The following FBXO34 variants were observed in gnomAD, a reference collection of about 807,000 sequenced individuals.
FBXO34 encodes F-box only protein 34.
Under a neutral mutation model 24.5 loss-of-function variants are expected in FBXO34, and 12 were observed. The ratio of observed to expected loss-of-function variants is 0.49; its 90% CI spans 0.31 to 0.79. The LOEUF is 0.79. Among genes scored for constraint, FBXO34 ranks in the 30% least tolerant of loss-of-function variants. FBXO34 has a pLI of 0.04. For synonymous variants in FBXO34, 320 were observed against 311.9 expected, an observed-to-expected ratio of 1.03 and a Z score of -0.27; for missense variants, 823 against 857.7, an observed-to-expected ratio of 0.96 and a Z score of 0.51.
chr14:55,354,084 G>A (rs973887249), downstream of FBXO34, among the ~76,000 whole-genome samples: 2 of 151,858 alleles, frequency 1.3e-5, no homozygotes, highest in Non-Finnish European at 2.9e-5. Flanking sequence ...TAGGGGAGGC[G>A]CTGTGCTGGG....
the FBXO34 span, among the ~76,000 whole-genome samples, chr14:55,384,259 G>A: frequency 1.3e-5 from 2 of 152,208 alleles, no homozygotes; most frequent in African/African-American, 2.4e-5. Context: ...CCTCGTGTGT[G>A]TATTTTCTTT....
At chr14:55,433,520 A>G in the FBXO34 span, 1 of 1,019,940 alleles carries the variant, frequency 9.8e-7, no homozygotes, top group Admixed American at 2.1e-5. Flanking sequence ...GTCTTCAGCA[A>G]AGAAAGGCAT....
At chr14:55,341,888 A>G (rs1884005734) in intron 1 of FBXO34, among the ~76,000 whole-genome samples, 1 of 152,190 alleles carries the variant, frequency 6.6e-6, no homozygotes, top group Non-Finnish European at 1.5e-5. Flanking sequence ...CTGAAGTGTT[A>G]TTTAATAATT....
the FBXO34 span, chr14:55,395,322 C>G: frequency 3.8e-6 from 1 of 261,354 alleles, no homozygotes; most frequent in Non-Finnish European, 7.8e-6. Context: ...GCTGCTGCCA[C>G]GCCTCTCCCA....
chr14:55,385,157 A>T, the FBXO34 span, among the ~76,000 whole-genome samples: 1 of 152,220 alleles, frequency 6.6e-6, no homozygotes, highest in Non-Finnish European at 1.5e-5. Flanking sequence ...ATTTGTCATG[A>T]TTTCTCTGTG....
chr14:55,356,625 T>A (rs567228548), downstream of FBXO34, among the ~76,000 whole-genome samples: 37 of 149,370 alleles, frequency 2.5e-4, no homozygotes, highest in East Asian at 2.9e-3. Context: ...CTGATTTTTT[T>A]ATTTTTTTAT....
chr14:55,349,607 CTTTTTTTTT>C (rs57284715), intron 1 of FBXO34, among the ~76,000 whole-genome samples: 1 of 116,636 alleles, frequency 8.6e-6, no homozygotes, highest in South Asian at 2.7e-4. Flanking sequence ...CAATAATTTT[CTTTTTTTTT>C]TTTTTTTTTG....
chr14:55,353,794 T>G (rs941787998), downstream of FBXO34, among the ~76,000 whole-genome samples: 106 of 152,354 alleles, frequency 7.0e-4, no homozygotes, highest in Non-Finnish European at 1.8e-4. Context: ...CTGTCAGTTC[T>G]TCCGTTTGTT....
chr14:55,332,939 G>T (rs1220457089), intron 1 of FBXO34, among the ~76,000 whole-genome samples: 1 of 152,230 alleles, frequency 6.6e-6, no homozygotes, highest in Non-Finnish European at 1.5e-5. Context: ...TTAGCCCCAA[G>T]ATGCAGGTGA....
the FBXO34 span, chr14:55,435,960 C>A: frequency 9.7e-5 from 123 of 1,270,080 alleles, no homozygotes; most frequent in Non-Finnish European, 1.2e-4. Flanking sequence ...AGTTTAGAAA[C>A]TTATATCAGA....
chr14:55,430,806 C>T, the FBXO34 span, among the ~76,000 whole-genome samples: 1 of 152,156 alleles, frequency 6.6e-6, no homozygotes, highest in Non-Finnish European at 1.5e-5. Context: ...AGGCCATGTC[C>T]CCAGGTTAGC....
chr14:55,401,139 G>A, the FBXO34 span, among the ~76,000 whole-genome samples: 3 of 151,890 alleles, frequency 2.0e-5, no homozygotes. Context: ...CTCCCTCTGA[G>A]AGATGGTTTG....
Position 55,351,894 on chromosome 14 carries a change from A to G in FBXO34, c.1504A>G (p.Thr502Ala). ...SDYSQLNEST[T>A]KESSEASQLE... Reference sequence around the variant, plus strand: ...CTATTCCCAGTTGAATGAAAGCACAACAAAAGAGTCTTCAGAGGCCAGCCA... The same window carrying G: ...CTATTCCCAGTTGAATGAAAGCACAGCAAAAGAGTCTTCAGAGGCCAGCCA... The change falls in exon 2 of 2, where the codon ACA (threonine) becomes GCA (alanine). Residue 502 changes from threonine to alanine, a missense_variant. Transcript: ENST00000313833. 6.2e-7 allele frequency: 1 copy of G among 1,614,186 alleles called. No homozygotes were observed. The highest frequency in any genetic ancestry group is 1.1e-5 in the South Asian group (1 of 91,080).
the FBXO34 span, among the ~76,000 whole-genome samples, chr14:55,436,392 C>T: frequency 6.6e-6 from 1 of 152,166 alleles, no homozygotes; most frequent in Non-Finnish European, 1.5e-5. Context: ...CTTTGCCTTA[C>T]AGATAATCAA....
chr14:55,310,857 G>A (rs548343617), intron 1 of FBXO34, among the ~76,000 whole-genome samples: 9 of 152,112 alleles, frequency 5.9e-5, no homozygotes, highest in African/African-American at 1.7e-4. Context: ...AATACAAGAT[G>A]TGATAGCGTT....
At chr14:55,412,295 G>A in the FBXO34 span, among the ~76,000 whole-genome samples, 9 of 152,292 alleles carry the variant, frequency 5.9e-5, no homozygotes, top group South Asian at 1.4e-3. Context: ...GTGACTTGGG[G>A]CAAGTTCCTT....
intron 1 of FBXO34, among the ~76,000 whole-genome samples, chr14:55,291,900 A>C (rs930019095): frequency 6.6e-6 from 1 of 152,148 alleles, no homozygotes; most frequent in East Asian, 1.9e-4. Flanking sequence ...CAGGAGTTCA[A>C]GGTTACAGTG....
chr14:55,355,057 C>A (rs1450143128), downstream of FBXO34: 1 of 152,170 alleles, frequency 6.6e-6, no homozygotes, highest in Non-Finnish European at 1.5e-5. Context: ...CTACCTCCTA[C>A]TTCAAGCCCT....
At chr14:55,301,769 G>A (rs1012601599) in intron 1 of FBXO34, among the ~76,000 whole-genome samples, 1 of 152,190 alleles carries the variant, frequency 6.6e-6, no homozygotes, top group African/African-American at 2.4e-5. Flanking sequence ...GAACAAGTCT[G>A]TCAGAGTGAG....
Sources: allele counts gnomAD v4.1 joint callset (sites outside exome capture counted in the v4.1 genomes callset), GRCh38; gene constraint gnomAD v4.1.1; transcripts MANE v1.5; gene names NCBI Gene and HGNC (gene_info 2026-07-23, HGNC 2026-07-21).